KIAA1328: variants seen among roughly 807,000 people sequenced by gnomAD.
KIAA1328 encodes the protein KIAA1328.
In KIAA1328, 52 loss-of-function variants were observed where a neutral mutation model predicts 68.1. The observed-to-expected ratio is 0.76, with a 90% CI of 0.61 to 0.96. KIAA1328 has a LOEUF of 0.96. Among genes scored for constraint, KIAA1328 ranks in the 40% least tolerant of loss-of-function variants. KIAA1328 has a pLI of 0.00. For missense variants in KIAA1328, 641 were observed against 677.6 expected, an observed-to-expected ratio of 0.95 and a Z score of 0.60; for synonymous variants, 232 against 239.4, an observed-to-expected ratio of 0.97 and a Z score of 0.28.
rs7236212 is a variant in KIAA1328 at position 37,203,813 on chromosome 18, T to C, written c.1524-18204T>C. Among the ~76,000 whole-genome samples, 927 of 100,956 alleles carry C rather than the reference T, an allele frequency of 9.2e-3. 36 individuals carry two copies. In the East Asian group the frequency reaches 0.15, roughly 16 times the overall value. The allele number at this position is 100,956 out of a possible 152,430, so 66.2% of individuals were successfully genotyped here. Reference sequence around the variant, plus strand: ...GGCTACCTACCTAGAACCCAGATTCTTTTTTTTTTTTTTTGAGACGGAGTC... The same window carrying C: ...GGCTACCTACCTAGAACCCAGATTCCTTTTTTTTTTTTTTGAGACGGAGTC... On this transcript the variant is annotated intron_variant, in intron 9 of 9. Coordinates refer to ENST00000280020, the MANE Select transcript of KIAA1328 (RefSeq NM_020776.3).
intron 8 of KIAA1328, among the ~76,000 whole-genome samples, chr18:37,166,709 T>G (rs78967253): frequency 1.4e-3 from 206 of 152,300 alleles, no homozygotes; most frequent in African/African-American, 4.8e-3. Context: ...AGCCTGCCTT[T>G]GTTTTGTCTG....
intron 4 of KIAA1328, among the ~76,000 whole-genome samples, chr18:36,880,705 T>C (rs1030684482): frequency 2.0e-5 from 3 of 152,104 alleles, no homozygotes; most frequent in African/African-American, 7.2e-5. Context: ...ATGTTAACTG[T>C]AGGATTTTTT....
At chr18:36,935,531 G>A (rs1418146291) in intron 5 of KIAA1328, among the ~76,000 whole-genome samples, 2 of 152,100 alleles carry the variant, frequency 1.3e-5, no homozygotes, top group African/African-American at 4.8e-5. Context: ...TGATGAGTGG[G>A]GATTTTGGCT....
chr18:37,214,191 T>C (rs2060377848), intron 9 of KIAA1328, among the ~76,000 whole-genome samples: 1 of 152,238 alleles, frequency 6.6e-6, no homozygotes, highest in Non-Finnish European at 1.5e-5. Context: ...TTGTTGCCAT[T>C]GCTTTTGGTG....
intron 7 of KIAA1328, among the ~76,000 whole-genome samples, chr18:37,100,797 G>A (rs892607483): frequency 6.6e-6 from 1 of 152,074 alleles, no homozygotes; most frequent in African/African-American, 2.4e-5. Flanking sequence ...CACCTCACAC[G>A]GCCAGGTACT....
At chr18:37,081,129 G>A (rs527394450) in intron 7 of KIAA1328, among the ~76,000 whole-genome samples, 14 of 151,614 alleles carry the variant, frequency 9.2e-5, no homozygotes, top group African/African-American at 3.2e-4. Flanking sequence ...TTGCAGGCAC[G>A]CACCACCACA....
intron 5 of KIAA1328, among the ~76,000 whole-genome samples, chr18:36,901,442 A>G (rs1484541244): frequency 2.0e-5 from 3 of 152,046 alleles, no homozygotes; most frequent in African/African-American, 7.2e-5. Context: ...TTTCTCCAAC[A>G]CTTGTGGATG....
At chr18:36,848,619 T>C (rs1228562710) in intron 4 of KIAA1328, among the ~76,000 whole-genome samples, 2 of 143,320 alleles carry the variant, frequency 1.4e-5, no homozygotes. Flanking sequence ...AAGTGGTGAA[T>C]GGACGTCTTT....
intron 6 of KIAA1328, among the ~76,000 whole-genome samples, chr18:37,001,870 C>G (rs1410862976): frequency 6.6e-6 from 1 of 152,104 alleles, no homozygotes; most frequent in Non-Finnish European, 1.5e-5. Context: ...TAATGAAGAT[C>G]ATGTATGACA....
In KIAA1328 at chr18:37,057,594, A is replaced by AT. The variant is rs111768411; in HGVS notation, c.577-9282dup. On this transcript the variant is annotated intron_variant, in intron 6 of 9. Transcript: ENST00000280020. ...AGGTGCACACCACCACATCTGGCTA[A>AT]TTTTTTTTTTTTTTGTATTTTTAGT... Among the ~76,000 whole-genome samples, 719 of 142,614 alleles carry AT rather than the reference A, an allele frequency of 5.0e-3. 2 individuals carry two copies. The highest frequency in any genetic ancestry group is 0.011 in the African/African-American group (443 of 39,062). 93.6% of individuals were successfully genotyped at this position (142,614 alleles called of 152,430 possible). A position where few individuals can be genotyped will look rare whatever the true frequency, so the allele number is the denominator to read the frequency against.
intron 7 of KIAA1328, among the ~76,000 whole-genome samples, chr18:37,081,304 T>C (rs976874184): frequency 6.6e-6 from 1 of 152,098 alleles, no homozygotes. Flanking sequence ...ATTGAACAGC[T>C]TTCACCTCTA....
At chr18:37,216,322 T>A (rs1333604488) in intron 9 of KIAA1328, among the ~76,000 whole-genome samples, 2 of 152,218 alleles carry the variant, frequency 1.3e-5, no homozygotes, top group South Asian at 4.1e-4. Context: ...TTTAAATATG[T>A]CCCAGATATT....
At chr18:37,227,873 A>G (rs1224687262), downstream of KIAA1328, among the ~76,000 whole-genome samples, 1 of 152,216 alleles carries the variant, frequency 6.6e-6, no homozygotes, top group Non-Finnish European at 1.5e-5. Flanking sequence ...ATAATGATTT[A>G]TTTGATGGAT....
At chr18:37,203,399 C>T (rs1260486285) in intron 9 of KIAA1328, among the ~76,000 whole-genome samples, 1 of 152,006 alleles carries the variant, frequency 6.6e-6, no homozygotes, top group Non-Finnish European at 1.5e-5. Context: ...CTTAAAGTAA[C>T]CTTTAAATAA....
chr18:37,214,426 T>A (rs1467179558), intron 9 of KIAA1328, among the ~76,000 whole-genome samples: 4 of 152,222 alleles, frequency 2.6e-5, no homozygotes, highest in African/African-American at 9.6e-5. Flanking sequence ...CCATTTCTTG[T>A]TTTTGTCAGG....
At chr18:37,018,803 T>C (rs1268677173) in intron 6 of KIAA1328, among the ~76,000 whole-genome samples, 1 of 152,076 alleles carries the variant, frequency 6.6e-6, no homozygotes. Context: ...TTTTTAATGA[T>C]TTTTATGTCT....
intron 4 of KIAA1328, among the ~76,000 whole-genome samples, chr18:36,864,693 G>A (rs2047688443): frequency 6.7e-6 from 1 of 149,286 alleles, no homozygotes; most frequent in African/African-American, 2.5e-5. Context: ...AATAAACTGT[G>A]GAAAGATGTT....
At position 36,948,907 on chromosome 18, in the gene KIAA1328, A is replaced by G. The variant is rs574086122; in HGVS notation, c.449-10401A>G. 1.4e-4 allele frequency among the ~76,000 whole-genome samples: 22 copies of G among 152,274 alleles called. 1 individual carries two copies. In the South Asian group the frequency reaches 4.6e-3, roughly 32 times the overall value. On this transcript the variant is annotated intron_variant, in intron 5 of 9. Coordinates refer to ENST00000280020, the MANE Select transcript of KIAA1328 (RefSeq NM_020776.3). ...TTTGGAGCTGGTAGTTTTCAGCCTG[A>G]TATGTTTCACTATGCTTCACAAAGC... is the stretch of plus-strand genomic sequence containing the variant.
chr18:36,984,147 A>T (rs1449804299), intron 6 of KIAA1328, among the ~76,000 whole-genome samples: 1 of 152,190 alleles, frequency 6.6e-6, no homozygotes, highest in African/African-American at 2.4e-5. Context: ...TGTTAATAAC[A>T]TCATACTCAA....
Sources: gnomAD v4.1 joint callset for allele counts (sites outside exome capture counted in the v4.1 genomes callset) on GRCh38, gnomAD v4.1.1 for gene constraint, MANE v1.5 for transcripts, NCBI Gene and HGNC (gene_info 2026-07-23, HGNC 2026-07-21) for gene names.